Variants in C8orf34 observed in about 807,000 individuals in gnomAD.
C8orf34 encodes the protein uncharacterized protein C8orf34.
In C8orf34, 65 loss-of-function variants were observed where a neutral mutation model predicts 68.3. That is an observed-to-expected ratio of 0.95 (90% CI 0.78 to 1.17). The LOEUF (loss-of-function observed/expected upper bound fraction) is 1.17. C8orf34 is among the 50% of genes most tolerant of loss of function. The probability of loss-of-function intolerance (pLI) is 0.00; values close to 1 mark genes in which losing one functional copy is unlikely to be tolerated. For missense variants in C8orf34, 664 were observed against 655.4 expected (o/e 1.01, Z -0.14); for synonymous variants, 244 against 241.2 (o/e 1.01, Z -0.11).
At chr8:68,430,578 G>C (rs564917592) in intron 1 of C8orf34, among the ~76,000 whole-genome samples, 2 of 152,246 alleles carry the variant, frequency 1.3e-5, no homozygotes, top group Admixed American at 6.5e-5. Context: ...GAATTGAACT[G>C]TTGGACATAT....
At chr8:68,461,203 G>A (rs1226892427) in intron 3 of C8orf34, among the ~76,000 whole-genome samples, 1 of 152,178 alleles carries the variant, frequency 6.6e-6, no homozygotes, top group East Asian at 1.9e-4. Context: ...GATGGAAGAC[G>A]AAATGAATGA....
chr8:68,441,121 C>A (rs912301283), intron 2 of C8orf34, among the ~76,000 whole-genome samples: 1 of 151,990 alleles, frequency 6.6e-6, no homozygotes, highest in South Asian at 2.1e-4. Flanking sequence ...CATTTTAAAT[C>A]GCACACATTA....
At chr8:68,624,678 A>T (rs1818483795) in intron 7 of C8orf34, among the ~76,000 whole-genome samples, 1 of 130,750 alleles carries the variant, frequency 7.6e-6, no homozygotes, top group African/African-American at 2.6e-5. Context: ...TTCAAGGACA[A>T]TTCTAGGAAA....
intron 1 of C8orf34, among the ~76,000 whole-genome samples, chr8:68,402,956 T>G (rs923052653): frequency 6.6e-6 from 1 of 152,138 alleles, no homozygotes; most frequent in South Asian, 2.1e-4. Context: ...GCCCCATGCA[T>G]CCCAGTGACT....
intron 8 of C8orf34, among the ~76,000 whole-genome samples, chr8:68,649,085 A>G (rs578246503): frequency 6.6e-6 from 1 of 152,310 alleles, no homozygotes; most frequent in East Asian, 1.9e-4. Context: ...AATGGTGAGC[A>G]AAACAAACAT....
At chr8:68,445,937 C>T (rs1811102282) in intron 2 of C8orf34, among the ~76,000 whole-genome samples, 1 of 151,960 alleles carries the variant, frequency 6.6e-6, no homozygotes, top group Admixed American at 6.6e-5. Context: ...TTACAGACGC[C>T]CGCCATCATG....
intron 12 of C8orf34, among the ~76,000 whole-genome samples, chr8:68,802,519 G>T (rs1253263300): frequency 3.3e-5 from 5 of 152,052 alleles, no homozygotes; most frequent in Non-Finnish European, 7.4e-5. Flanking sequence ...ATTATTATTT[G>T]AGACAAGTTC....
intron 2 of C8orf34, among the ~76,000 whole-genome samples, chr8:68,442,369 A>G (rs928047743): frequency 1.3e-5 from 2 of 152,146 alleles, no homozygotes; most frequent in Admixed American, 6.5e-5. Context: ...TATGAATAAG[A>G]TTGTTAATTT....
At chr8:68,612,504 T>G (rs901307867) in intron 7 of C8orf34, among the ~76,000 whole-genome samples, 2 of 152,158 alleles carry the variant, frequency 1.3e-5, no homozygotes, top group Non-Finnish European at 2.9e-5. Flanking sequence ...GAAAAACCTT[T>G]TGATTGATTA....
chr8:68,389,176 T>C (rs1231413002), intron 1 of C8orf34, among the ~76,000 whole-genome samples: 1 of 152,160 alleles, frequency 6.6e-6, no homozygotes, highest in Non-Finnish European at 1.5e-5. Context: ...GAGCAAAATA[T>C]TGTCCTCATG....
intron 1 of C8orf34, among the ~76,000 whole-genome samples, chr8:68,417,143 C>T (rs377166390): frequency 9.2e-5 from 14 of 152,142 alleles, no homozygotes; most frequent in East Asian, 3.9e-4. Flanking sequence ...TACCAAAATA[C>T]TTTAATTGAA....
intron 5 of C8orf34, among the ~76,000 whole-genome samples, chr8:68,496,413 A>G (rs972028041): frequency 6.6e-6 from 1 of 152,226 alleles, no homozygotes; most frequent in Non-Finnish European, 1.5e-5. Context: ...GAGGTAATAT[A>G]ATGCACAATT....
In C8orf34 at chr8:68,787,166, C is replaced by T. The variant is rs1823867484; in HGVS notation, c.1456-277C>T. 5.3e-5 allele frequency among the ~76,000 whole-genome samples: 8 copies of T among 152,156 alleles called. No individual in the cohort carries two copies. The South Asian group carries it at 1.7e-3, about 32-fold the overall frequency. Reference sequence around the variant, plus strand: ...TGATTATGTTTCCAAGAATGAGTGTCAACATTTCCATAAAAATATTAATTC... The same window carrying T: ...TGATTATGTTTCCAAGAATGAGTGTTAACATTTCCATAAAAATATTAATTC... On this transcript the variant is annotated intron_variant, in intron 11 of 13. Coordinates refer to ENST00000518698, the MANE Select transcript of C8orf34 (RefSeq NM_052958.4).
chr8:68,340,763 C>T (rs1338029804), intron 1 of C8orf34, among the ~76,000 whole-genome samples: 1 of 152,080 alleles, frequency 6.6e-6, no homozygotes, highest in Non-Finnish European at 1.5e-5. Flanking sequence ...CACTGTCTTC[C>T]AGAAGAGGAG....
intron 6 of C8orf34, among the ~76,000 whole-genome samples, chr8:68,529,244 T>C (rs1227795753): frequency 6.6e-6 from 1 of 152,204 alleles, no homozygotes; most frequent in East Asian, 1.9e-4. Flanking sequence ...CCACCACCTA[T>C]TGAAAGCAAC....
chr8:68,358,079 C>G (rs186497601), intron 1 of C8orf34, among the ~76,000 whole-genome samples: 46 of 152,230 alleles, frequency 3.0e-4, no homozygotes, highest in African/African-American at 1.1e-3. Flanking sequence ...GCCTTAAATT[C>G]TTTCTGAAAT....
chr8:68,335,723 A>G (rs1805819429), intron 1 of C8orf34, among the ~76,000 whole-genome samples: 2 of 152,230 alleles, frequency 1.3e-5, no homozygotes, highest in African/African-American at 2.4e-5. Context: ...ATAAATCACT[A>G]TATAACCTTA....
intron 12 of C8orf34, among the ~76,000 whole-genome samples, chr8:68,814,227 A>G (rs1309706495): frequency 6.6e-6 from 1 of 152,208 alleles, no homozygotes; most frequent in Non-Finnish European, 1.5e-5. Context: ...CTAGAAGCAC[A>G]GTTTCTTTGG....
chr8:68,600,309 C>A (rs975330854), intron 7 of C8orf34, among the ~76,000 whole-genome samples: 19 of 152,072 alleles, frequency 1.2e-4, no homozygotes, highest in African/African-American at 4.6e-4. Context: ...ATTCCCCTTG[C>A]GGCACTGAGC....
Sources: allele counts gnomAD v4.1 joint callset (sites outside exome capture counted in the v4.1 genomes callset), GRCh38; gene constraint gnomAD v4.1.1; transcripts MANE v1.5; gene names NCBI Gene and HGNC (gene_info 2026-07-23, HGNC 2026-07-21).